Variants in CSMD3 observed in about 807,000 individuals in gnomAD.
The protein encoded by CSMD3 is CUB and sushi domain-containing protein 3.
A neutral mutation model predicts 435.2 loss-of-function variants in CSMD3; 177 were observed. The ratio of observed to expected loss-of-function variants is 0.41; its 90% CI spans 0.36 to 0.46. CSMD3 has a LOEUF of 0.46. CSMD3 is among the 20% of genes least tolerant of loss of function. The pLI, the probability that CSMD3 is intolerant of heterozygous loss-of-function variation, is 0.34. For missense variants in CSMD3, 4,265 were observed against 4,504.6 expected (o/e 0.95, Z 1.52); for synonymous variants, 1,656 against 1,520.5 (o/e 1.09, Z -2.07).
At chr8:112,527,186 A>C (rs999812569) in intron 27 of CSMD3, among the ~76,000 whole-genome samples, 6 of 151,958 alleles carry the variant, frequency 3.9e-5, no homozygotes, top group African/African-American at 1.4e-4. Flanking sequence ...TAAAAAATCA[A>C]GATGCAACCA....
At chr8:112,334,124 C>T (rs1350284844) in intron 45 of CSMD3, among the ~76,000 whole-genome samples, 4 of 152,052 alleles carry the variant, frequency 2.6e-5, no homozygotes, top group South Asian at 2.1e-4. Context: ...AAGAGATCAG[C>T]GTGTTCATGG....
intron 22 of CSMD3, among the ~76,000 whole-genome samples, chr8:112,609,201 CAAAAAA>C (rs71566035): frequency 4.2e-4 from 18 of 43,092 alleles, no homozygotes; most frequent in African/African-American, 1.2e-3. Flanking sequence ...GATACTGCCT[CAAAAAA>C]AAAAAAAAAA....
Position 112,498,337 on chromosome 8 carries a change from T to C in CSMD3, c.5083+5453A>G, listed in dbSNP as rs556357867. 2.4e-3 allele frequency among the ~76,000 whole-genome samples: 365 copies of C among 152,232 alleles called. 3 individuals carry two copies. The highest frequency in any genetic ancestry group is 8.5e-3 in the African/African-American group (353 of 41,562). On this transcript the variant is annotated intron_variant, in intron 30 of 70. Coordinates refer to ENST00000297405, the MANE Select transcript of CSMD3 (RefSeq NM_198123.2). ...CAACATCTCTTTTTAAAAAATTACA[T>C]TTGTAGTTCTTTATCTATGACAGCA...
rs1827659391 is a variant in CSMD3, at chr8:112,551,232, T to C, written c.4362-359A>G. 2.0e-5 allele frequency among the ~76,000 whole-genome samples: 3 copies of C among 152,066 alleles called. No homozygotes were observed. In the South Asian group the frequency reaches 6.2e-4, roughly 31 times the overall value. On this transcript the variant is annotated intron_variant, in intron 26 of 70. Coordinates refer to ENST00000297405, the MANE Select transcript of CSMD3 (RefSeq NM_198123.2). Reference sequence around the variant, plus strand: ...TACATATATTTTATTTGTTTAATTGTTATAATGACCCAATGAAATATGAAT... The same window carrying C: ...TACATATATTTTATTTGTTTAATTGCTATAATGACCCAATGAAATATGAAT...
intron 13 of CSMD3, among the ~76,000 whole-genome samples, chr8:112,716,190 CA>C (rs1007308895): frequency 1.5e-4 from 23 of 152,218 alleles, no homozygotes; most frequent in Non-Finnish European, 2.5e-4. Flanking sequence ...TGTCTCAGCC[CA>C]AAAACTCCTT....
At chr8:113,050,608 G>C (rs2088044256) in intron 5 of CSMD3, among the ~76,000 whole-genome samples, 1 of 151,936 alleles carries the variant, frequency 6.6e-6, no homozygotes, top group African/African-American at 2.4e-5. Context: ...GAATAGTACA[G>C]AAAATTAAAG....
At chr8:112,349,686 T>C (rs1321648577) in intron 40 of CSMD3, among the ~76,000 whole-genome samples, 4 of 152,116 alleles carry the variant, frequency 2.6e-5, no homozygotes, top group Admixed American at 6.5e-5. Context: ...AATTTTAAAA[T>C]TGGTATAATA....
At chr8:113,109,015 A>G (rs190491912) in intron 4 of CSMD3, among the ~76,000 whole-genome samples, 1 of 152,358 alleles carries the variant, frequency 6.6e-6, no homozygotes, top group Admixed American at 6.5e-5. Flanking sequence ...CTGAAAAACA[A>G]CCAGATTTCA....
intron 3 of CSMD3, among the ~76,000 whole-genome samples, chr8:113,276,080 A>G (rs1375807621): frequency 6.6e-6 from 1 of 152,102 alleles, no homozygotes; most frequent in African/African-American, 2.4e-5. Context: ...AGTTAAATAT[A>G]GAAATGCTAC....
At chr8:112,283,184 T>G (rs568243380) in intron 58 of CSMD3, among the ~76,000 whole-genome samples, 3 of 152,038 alleles carry the variant, frequency 2.0e-5, no homozygotes, top group Admixed American at 1.3e-4. Context: ...ATGATGCTGA[T>G]AGCATACAAT....
intron 32 of CSMD3, among the ~76,000 whole-genome samples, chr8:112,438,616 G>A (rs1814639955): frequency 6.6e-6 from 1 of 151,848 alleles, no homozygotes; most frequent in Non-Finnish European, 1.5e-5. Context: ...AAACTCTACT[G>A]GCTTTCAAAA....
intron 32 of CSMD3, among the ~76,000 whole-genome samples, chr8:112,415,350 G>T (rs569239599): frequency 3.3e-5 from 5 of 152,208 alleles, no homozygotes; most frequent in African/African-American, 1.2e-4. Context: ...GCTTTCACAC[G>T]GTGTTGAGCC....
In CSMD3 at chr8:112,685,408, T is replaced by C. The variant is rs1563850561; in HGVS notation, c.2480A>G (p.Asn827Ser). ...MSGRGFNITY[N>S]TFGHNECPDP... The stretch of plus-strand genomic sequence containing the variant: ...AAAAAACAGAAACAGAAACTTACTG[T>C]TGTAAGTGATGTTAAAGCCACGTCC... The change falls in exon 15 of 71, where the codon AAC becomes AGC. Residue 827 changes from asparagine to serine, a missense_variant and splice_region_variant. Around this residue, in one of 3 missense-constraint regions of CSMD3, gnomAD observed 279 missense variants for 369.0 expected, o/e 0.76. Coordinates refer to ENST00000297405, the MANE Select transcript of CSMD3 (RefSeq NM_198123.2). 3 of 1,609,342 alleles carry C rather than the reference T, an allele frequency of 1.9e-6. No individual in the cohort carries two copies. The highest frequency in any genetic ancestry group is 2.6e-6 in the Non-Finnish European group (3 of 1,175,818).
intron 54 of CSMD3, among the ~76,000 whole-genome samples, chr8:112,293,655 A>G (rs1024952684): frequency 1.6e-4 from 24 of 152,086 alleles, no homozygotes; most frequent in Non-Finnish European, 5.9e-5. Flanking sequence ...GGTTCTTTTA[A>G]TGCTGTGTCC....
Position 112,846,759 on chromosome 8 carries a change from AT to A in CSMD3, c.1755+12385del, listed in dbSNP as rs1469337619. ...TTTATATTTATTGATATTTAATTTTATTGTACTTGCACAGAGTAATTCACTT... is the reference window on the plus strand; with the variant it reads ...TTTATATTTATTGATATTTAATTTTATGTACTTGCACAGAGTAATTCACTT... On this transcript the variant is annotated intron_variant, in intron 11 of 70. Coordinates refer to ENST00000297405, the MANE Select transcript of CSMD3 (RefSeq NM_198123.2). Among the ~76,000 whole-genome samples, 5 of 151,816 alleles carry A rather than the reference AT, an allele frequency of 3.3e-5. No homozygotes were observed. The East Asian group carries it at 7.8e-4, about 24-fold the overall frequency.
intron 6 of CSMD3, among the ~76,000 whole-genome samples, chr8:113,001,099 G>T (rs967229536): frequency 3.3e-5 from 5 of 151,806 alleles, no homozygotes; most frequent in Non-Finnish European, 4.4e-5. Flanking sequence ...CTTCATTTCT[G>T]CCTTCCATCT....
Position 112,386,422 on chromosome 8 carries a change from C to T in CSMD3, c.5935-2759G>A, listed in dbSNP as rs80010733. On this transcript the variant is annotated intron_variant, in intron 36 of 70. Transcript: ENST00000297405. ...TGGCCAGAAGAACTGGCAGACAATG[C>T]TATGAGATTTGTTAAGGGACTCAAA... Among the ~76,000 whole-genome samples, 153 of 152,202 alleles carry T rather than the reference C, an allele frequency of 1.0e-3. 1 individual carries two copies. The highest frequency in any genetic ancestry group is 3.4e-3 in the African/African-American group (142 of 41,540).
intron 3 of CSMD3, among the ~76,000 whole-genome samples, chr8:113,264,673 G>A (rs1331717450): frequency 1.3e-5 from 2 of 151,078 alleles, no homozygotes; most frequent in South Asian, 4.2e-4. Flanking sequence ...TTTAAACAAA[G>A]AAATATTCAT....
At chr8:113,302,279 T>G (rs1034474396) in intron 2 of CSMD3, among the ~76,000 whole-genome samples, 1 of 9,982 alleles carries the variant, frequency 1.0e-4, no homozygotes, top group Admixed American at 1.9e-3. Flanking sequence ...AATATATAAT[T>G]ATAATATATA....
Sources: gnomAD v4.1 joint callset for allele counts (sites outside exome capture counted in the v4.1 genomes callset) on GRCh38, gnomAD v4.1.1 for gene constraint, gnomAD v4.1.1 regional missense constraint, MANE v1.5 for transcripts, NCBI Gene and HGNC (gene_info 2026-07-23, HGNC 2026-07-21) for gene names.